CSMD1: variants seen among roughly 807,000 people sequenced by gnomAD.
CSMD1 encodes the protein CUB and Sushi multiple domains 1.
A neutral mutation model predicts 417.5 loss-of-function variants in CSMD1; 213 were observed. The ratio of observed to expected loss-of-function variants is 0.51; its 90% confidence interval spans 0.46 to 0.57. The LOEUF (loss-of-function observed/expected upper bound fraction) is 0.57, where lower values mean the gene tolerates loss of function less well. CSMD1 is among the 20% of genes least tolerant of loss of function. The pLI is 0.00. For missense variants in CSMD1, 6,923 were observed against 4,529.7 expected (o/e 1.53, Z -15.17); for synonymous variants, 2,862 against 1,736.8 (o/e 1.65, Z -16.11).
chr8:3,969,484 T>G (rs1327117828), intron 5 of CSMD1, among the ~76,000 whole-genome samples: 1 of 151,916 alleles, frequency 6.6e-6, no homozygotes, highest in Non-Finnish European at 1.5e-5. Flanking sequence ...TAAGTTTGTG[T>G]TTTTTTTCCC....
chr8:3,230,263 C>G, intron 26 of CSMD1, 32 bp from the exon 27 acceptor site: 1 of 1,510,110 alleles, frequency 6.6e-7, no homozygotes, highest in Non-Finnish European at 8.9e-7. Context: ...AGGTCACAGG[C>G]TGGAAAACAT....
At chr8:3,484,387 G>C (rs1056086074) in intron 11 of CSMD1, among the ~76,000 whole-genome samples, 2 of 152,160 alleles carry the variant, frequency 1.3e-5, no homozygotes, top group Non-Finnish European at 2.9e-5. Context: ...GAACTGCCAG[G>C]CAAACCGTGA....
intron 26 of CSMD1, among the ~76,000 whole-genome samples, chr8:3,239,005 G>A (rs1388932842): frequency 1.3e-5 from 2 of 152,138 alleles, no homozygotes; most frequent in African/African-American, 2.4e-5. Context: ...TTGGTGTGGT[G>A]TCTGGAATGA....
chr8:3,206,211 G>C (rs1797243794), intron 30 of CSMD1, among the ~76,000 whole-genome samples: 1 of 143,410 alleles, frequency 7.0e-6, no homozygotes, highest in Non-Finnish European at 1.5e-5. Flanking sequence ...AAAATATAGA[G>C]AGGTGTGTGT....
rs544345262 is a variant in CSMD1, at chr8:4,597,395, A to G, written c.302+39947T>C. 2.0e-5 allele frequency among the ~76,000 whole-genome samples: 3 copies of G among 152,270 alleles called. No individual in the cohort carries two copies. The South Asian group carries it at 6.2e-4, about 32-fold the overall frequency. ...AGTGTGAGGTATGTTGACCTGACCA[A>G]GGTTAAATATCCATCCCCAAATGTA... On this transcript the variant is annotated intron_variant, in intron 2 of 69. Coordinates refer to ENST00000635120, the MANE Select transcript of CSMD1 (RefSeq NM_033225.6).
intron 5 of CSMD1, among the ~76,000 whole-genome samples, chr8:3,769,330 T>C (rs1179351931): frequency 6.6e-6 from 1 of 151,922 alleles, no homozygotes; most frequent in African/African-American, 2.4e-5. Flanking sequence ...AAATTGCAAA[T>C]ATGTTAAAAG....
At chr8:3,825,244 G>A (rs1563118093) in intron 5 of CSMD1, among the ~76,000 whole-genome samples, 1 of 152,112 alleles carries the variant, frequency 6.6e-6, no homozygotes, top group African/African-American at 2.4e-5. Context: ...AAGAGCCCTT[G>A]AGAGGCCGGG....
intron 24 of CSMD1, 36 bp downstream of exon 24, chr8:3,308,276 G>T (rs570048661): frequency 7.1e-6 from 11 of 1,550,432 alleles, no homozygotes; most frequent in Non-Finnish European, 9.7e-6. Context: ...CTAAGGCCTG[G>T]CTTTTGCACA....
chr8:4,731,210 A>C (rs966248553), intron 1 of CSMD1, among the ~76,000 whole-genome samples: 12 of 152,130 alleles, frequency 7.9e-5, no homozygotes, highest in African/African-American at 2.9e-4. Flanking sequence ...TGGAAGCGAG[A>C]ATCAGTCCTT....
intron 5 of CSMD1, among the ~76,000 whole-genome samples, chr8:3,996,111 C>T (rs1181132678): frequency 6.6e-6 from 1 of 152,208 alleles, no homozygotes; most frequent in African/African-American, 2.4e-5. Flanking sequence ...TTTTCTGACA[C>T]AAACTAAGTT....
At chr8:4,241,732 C>G (rs1355141497) in intron 3 of CSMD1, among the ~76,000 whole-genome samples, 7 of 144,320 alleles carry the variant, frequency 4.9e-5, no homozygotes, top group Admixed American at 4.2e-4. Context: ...GAGACGGAGT[C>G]TCGCTCTGTC....
At chr8:4,345,815 G>C (rs185686939) in intron 3 of CSMD1, among the ~76,000 whole-genome samples, 1 of 152,108 alleles carries the variant, frequency 6.6e-6, no homozygotes, top group Non-Finnish European at 1.5e-5. Context: ...TGCCTTCACA[G>C]GGAGGTCATC....
chr8:3,811,924 T>C (rs1361567747), intron 5 of CSMD1, among the ~76,000 whole-genome samples: 2 of 152,308 alleles, frequency 1.3e-5, no homozygotes, highest in East Asian at 1.9e-4. Context: ...AAAGCACATA[T>C]AGATAAAAGT....
At chr8:3,437,447 A>C (rs575407659) in intron 12 of CSMD1, among the ~76,000 whole-genome samples, 1 of 152,304 alleles carries the variant, frequency 6.6e-6, no homozygotes, top group African/African-American at 2.4e-5. Context: ...TGTAATTTGT[A>C]AACAGAATTC....
intron 5 of CSMD1, among the ~76,000 whole-genome samples, chr8:3,945,801 T>G (rs1563239874): frequency 6.6e-6 from 1 of 152,046 alleles, no homozygotes; most frequent in Non-Finnish European, 1.5e-5. Flanking sequence ...ATTTCAGACT[T>G]CACACACCAA....
At chr8:3,086,749 T>C (rs761434266) in intron 49 of CSMD1, among the ~76,000 whole-genome samples, 2 of 152,008 alleles carry the variant, frequency 1.3e-5, no homozygotes, top group Admixed American at 6.6e-5. Flanking sequence ...ATAAAGAAAA[T>C]GAGTTTTCCA....
chr8:3,814,244 C>T lies in CSMD1; in HGVS notation c.819-60202G>A, dbSNP rs549295711. On this transcript the variant is annotated intron_variant, in intron 5 of 69. Coordinates refer to ENST00000635120, the MANE Select transcript of CSMD1 (RefSeq NM_033225.6). ...CTCGTCTGCATTCTGAATAGAAATG[C>T]GATCTTGCTTATACTTAGTTCTGAA... Among the ~76,000 whole-genome samples, 9 of 152,228 alleles carry T rather than the reference C, an allele frequency of 5.9e-5. No individual in the cohort carries two copies. In the South Asian group the frequency reaches 1.0e-3, roughly 18 times the overall value.
intron 1 of CSMD1, among the ~76,000 whole-genome samples, chr8:4,949,054 T>A (rs1023335560): frequency 3.9e-5 from 6 of 152,182 alleles, no homozygotes; most frequent in Non-Finnish European, 8.8e-5. Context: ...TTTTAACAAA[T>A]GCCTTTTTGG....
At chr8:3,499,210 C>T (rs1164771427) in intron 10 of CSMD1, among the ~76,000 whole-genome samples, 1 of 152,128 alleles carries the variant, frequency 6.6e-6, no homozygotes, top group African/African-American at 2.4e-5. Flanking sequence ...GGTTTGTATT[C>T]TGCATGAGTA....
Sources: allele counts gnomAD v4.1 joint callset (sites outside exome capture counted in the v4.1 genomes callset), GRCh38; gene constraint gnomAD v4.1.1; transcripts MANE v1.5; gene names NCBI Gene and HGNC (gene_info 2026-07-23, HGNC 2026-07-21).